The following EPHX1 variants were observed in gnomAD, a reference collection of about 807,000 sequenced individuals.
EPHX1 encodes the protein epoxide hydrolase 1, also known as epoxide hydratase.
EPHX1 carries 40 observed loss-of-function variants against 43.2 expected under a neutral mutation model. The observed-to-expected ratio is 0.93, with a 90% confidence interval of 0.72 to 1.21. The LOEUF is 1.21. EPHX1 is among the 50% of genes most tolerant of loss of function. The pLI is 0.00. For missense variants in EPHX1, 550 were observed against 570.4 expected, an observed-to-expected ratio of 0.96 and a Z score of 0.36; for synonymous variants, 221 against 226.7, an observed-to-expected ratio of 0.98 and a Z score of 0.22.
chr1:225,821,565 C>CTTTTT (rs869228485), intron 1 of EPHX1, among the ~76,000 whole-genome samples: 11 of 69,866 alleles, frequency 1.6e-4, no homozygotes, highest in African/African-American at 2.5e-4. Flanking sequence ...TTTTTTGGTT[C>CTTTTT]TTTTTTTTTT....
rs771853689 is a variant in EPHX1, at chr1:225,842,369, C to G, written c.935C>G (p.Ser312Cys). 6.2e-7 allele frequency: 1 copy of G among 1,610,910 alleles called. No homozygotes were observed. The highest frequency in any genetic ancestry group is 8.5e-7 in the Non-Finnish European group (1 of 1,177,048). Residue 312 changes from serine to cysteine, a missense_variant, in exon 7 of 9, where the codon TCT (serine) becomes TGT (cysteine). Coordinates refer to ENST00000272167, the MANE Select transcript of EPHX1 (RefSeq NM_001136018.4). ...CTTGCTCCCCGCTCCCCGCCAGGCT[C>G]TGCTCTGAATGACTCTCCTGTGGGT... ...IQCTKPDTVG[S>C]ALNDSPVGLA...
Position 225,839,830 on chromosome 1 carries a change from C to T in EPHX1, c.724C>T (p.His242Tyr). 6.2e-7 allele frequency: 1 copy of T among 1,613,754 alleles called. No homozygotes were observed. Among genetic ancestry groups the T allele is most frequent in the South Asian group, 1.1e-5 (1 of 91,056 alleles). Residue 242 changes from histidine to tyrosine, a missense_variant and splice_region_variant, in exon 6 of 9, where the codon CAC becomes TAC. Physicochemically the swap from His to Tyr is moderately conservative, Grantham distance 83 (BLOSUM62 2). Transcript: ENST00000272167. ...CCCGGCCCCTCTCTCTGCCTTCAGC[C>T]ACGTGAAAGGCCTGCACTTGAACAT... is the stretch of plus-strand genomic sequence containing the variant. The part of the protein sequence containing the change: ...CTNMAQLVPS[H>Y]VKGLHLNMAL...
intron 8 of EPHX1, 27 bp from the exon 9 acceptor site, chr1:225,845,119 C>T (rs1422053665): frequency 3.1e-6 from 5 of 1,613,200 alleles, no homozygotes; most frequent in Non-Finnish European, 4.2e-6. Flanking sequence ...CACAGCCTCA[C>T]CCCTCCGTCG....
rs1483457223 is a variant in EPHX1 at position 225,839,329 on chromosome 1, G to A, written c.705G>A (p.Met235Ile). 23 of 1,613,888 alleles carry A rather than the reference G, an allele frequency of 1.4e-5. No individual in the cohort carries two copies. Among genetic ancestry groups the A allele is most frequent in the Non-Finnish European group, 1.0e-5 (12 of 1,179,976 alleles). Residue 235 changes from methionine (M) to isoleucine (I), a missense_variant, in exon 5 of 9, where the codon ATG becomes ATA. Coordinates refer to ENST00000272167, the MANE Select transcript of EPHX1 (RefSeq NM_001136018.4). The part of the protein sequence containing the change: ...GDWGSLICTN[M>I]AQLVPSHVKG... ...GGGGGTCCCTGATCTGCACTAATAT[G>A]GCCCAGCTGGTGCCCAGGTGAGGTC...
intron 1 of EPHX1, among the ~76,000 whole-genome samples, chr1:225,827,515 C>T (rs1667305209): frequency 1.3e-5 from 2 of 152,184 alleles, no homozygotes; most frequent in Non-Finnish European, 2.9e-5. Context: ...GTTTCTTCCT[C>T]TTCTGATCAA....
intron 3 of EPHX1, among the ~76,000 whole-genome samples, chr1:225,837,559 C>A (rs2102750269): frequency 6.6e-6 from 1 of 152,254 alleles, no homozygotes; most frequent in Middle Eastern, 3.4e-3. Flanking sequence ...GCTCTGTTGC[C>A]CAGGCTGGAG....
chr1:225,831,569 A>G (rs1465698210), intron 2 of EPHX1, among the ~76,000 whole-genome samples: 1 of 151,716 alleles, frequency 6.6e-6, no homozygotes, highest in Non-Finnish European at 1.5e-5. Flanking sequence ...AGAAAAAAGA[A>G]AAAAGAAATG....
At chr1:225,842,554 G>A in intron 7 of EPHX1, 80 bp downstream of exon 7, 7 of 1,049,358 alleles carry the variant, frequency 6.7e-6, no homozygotes, top group Admixed American at 3.4e-5. Flanking sequence ...CCCTTGTCTG[G>A]TTGCTCTGCA....
chr1:225,828,168 AC>A (rs1667353907), intron 1 of EPHX1, among the ~76,000 whole-genome samples: 2 of 152,120 alleles, frequency 1.3e-5, no homozygotes, highest in Admixed American at 6.6e-5. Context: ...ACATGGTGAA[AC>A]CCCATCTCTA....
At chr1:225,839,504 G>C (rs1030849278) in intron 5 of EPHX1, among the ~76,000 whole-genome samples, 158 bp downstream of exon 5, 1 of 152,026 alleles carries the variant, frequency 6.6e-6, no homozygotes, top group Non-Finnish European at 1.5e-5. Flanking sequence ...ACGTTGACTT[G>C]GATCCTCCTG....
intron 3 of EPHX1, among the ~76,000 whole-genome samples, chr1:225,837,183 A>G (rs553436999): frequency 1.3e-5 from 2 of 152,250 alleles, no homozygotes; most frequent in African/African-American, 4.8e-5. Flanking sequence ...GTGGGATTAC[A>G]TGTGAGTCTT....
intron 1 of EPHX1, among the ~76,000 whole-genome samples, chr1:225,815,712 C>T (rs933173907): frequency 6.6e-6 from 1 of 152,224 alleles, no homozygotes; most frequent in South Asian, 2.1e-4. Context: ...AACTCGGACC[C>T]TGGTCCTCGG....
chr1:225,845,413 A>C lies in EPHX1; in HGVS notation c.*66A>C. 6.7e-7 allele frequency: 1 copy of C among 1,486,176 alleles called. No homozygotes were observed. Among genetic ancestry groups the C allele is most frequent in the African/African-American group, 1.4e-5 (1 of 70,232 alleles). 92.1% of individuals were successfully genotyped at this position (1,486,176 alleles called of 1,614,324 possible). A position where few individuals can be genotyped will look rare whatever the true frequency, so the allele number is the denominator to read the frequency against. On this transcript the variant is annotated 3_prime_UTR_variant, in exon 9 of 9. Coordinates refer to ENST00000272167, the MANE Select transcript of EPHX1 (RefSeq NM_001136018.4). ...GCCCTCCAGGCTTTTCTTGGGGAAG[A>C]TACCCCTTTTCTGAGGAATGAGTTT... is the stretch of plus-strand genomic sequence containing the variant.
intron 4 of EPHX1, 31 bp from the exon 5 acceptor site, chr1:225,839,186 G>A (rs768217460): frequency 3.5e-5 from 57 of 1,613,640 alleles, no homozygotes; most frequent in East Asian, 6.7e-5. Context: ...CTGTGACTCC[G>A]TGACTCCATG....
intron 1 of EPHX1, among the ~76,000 whole-genome samples, chr1:225,825,105 A>G (rs1455140854): frequency 1.3e-5 from 2 of 152,156 alleles, no homozygotes; most frequent in African/African-American, 4.8e-5. Context: ...TGGGTGATAC[A>G]CCTGGTAGTG....
At chr1:225,825,998 G>T (rs1213502688) in intron 1 of EPHX1, among the ~76,000 whole-genome samples, 5 of 152,356 alleles carry the variant, frequency 3.3e-5, no homozygotes, top group African/African-American at 1.2e-4. Context: ...TTCTGGAAAT[G>T]AAAGAAGCTG....
intron 1 of EPHX1, among the ~76,000 whole-genome samples, chr1:225,820,889 C>CT (rs1309246801): frequency 1.3e-5 from 2 of 152,046 alleles, no homozygotes; most frequent in Non-Finnish European, 1.5e-5. Context: ...GTGTGAGCTC[C>CT]TACAGTTACA....
At chr1:225,814,589 T>G (rs1666635492) in intron 1 of EPHX1, among the ~76,000 whole-genome samples, 1 of 152,126 alleles carries the variant, frequency 6.6e-6, no homozygotes, top group Non-Finnish European at 1.5e-5. Context: ...GCCTGGACTG[T>G]GACTCTTGAA....
At chr1:225,824,701 G>T (rs1190484236) in intron 1 of EPHX1, among the ~76,000 whole-genome samples, 5 of 152,184 alleles carry the variant, frequency 3.3e-5, no homozygotes, top group Non-Finnish European at 7.4e-5. Flanking sequence ...GTGGAGCCGT[G>T]GTGACCCCCT....
Sources: allele counts gnomAD v4.1 joint callset (sites outside exome capture counted in the v4.1 genomes callset), GRCh38; gene constraint gnomAD v4.1.1; transcripts MANE v1.5; gene names NCBI Gene and HGNC (gene_info 2026-07-23, HGNC 2026-07-21).